The following ZNF718 variants were observed in gnomAD, a reference collection of about 807,000 sequenced individuals.
ZNF718 encodes zinc finger protein 718.
Under a neutral mutation model 2.6 loss-of-function variants are expected in ZNF718, and 3 were observed. The ratio of observed to expected loss-of-function variants is 1.16; its 90% CI spans 0.53 to 3.01. The LOEUF (loss-of-function observed/expected upper bound fraction) is 3.01, where lower values mean the gene tolerates loss of function less well. Ranked by LOEUF, ZNF718 falls within the 30% of genes most tolerant of loss-of-function variation. ZNF718 has a pLI of 0.03. For synonymous variants in ZNF718, 135 were observed against 77.9 expected, an observed-to-expected ratio of 1.73 and a Z score of -3.86; for missense variants, 468 against 230.0, an observed-to-expected ratio of 2.03 and a Z score of -6.69.
At chr4:153,325 A>G (rs1421218943) in intron 3 of ZNF718, among the ~76,000 whole-genome samples, 1 of 151,898 alleles carries the variant, frequency 6.6e-6, no homozygotes, top group Admixed American at 6.6e-5. Context: ...GCTTTATATT[A>G]TATTATGGAG....
chr4:125,797 A>G (rs782809517), intron 1 of ZNF718, among the ~76,000 whole-genome samples: 1 of 152,168 alleles, frequency 6.6e-6, no homozygotes, highest in Non-Finnish European at 1.5e-5. Context: ...GCACGGCCAC[A>G]CCTGGCCTAA....
At chr4:134,355 C>T (rs1183498041) in intron 3 of ZNF718, among the ~76,000 whole-genome samples, 1 of 152,140 alleles carries the variant, frequency 6.6e-6, no homozygotes, top group African/African-American at 2.4e-5. Flanking sequence ...ACCATGTTAG[C>T]CAGGATGGTC....
chr4:183,934 T>C (rs782371546), intron 3 of ZNF718, among the ~76,000 whole-genome samples: 1 of 152,172 alleles, frequency 6.6e-6, no homozygotes, highest in Admixed American at 6.5e-5. Flanking sequence ...TTTCTAGATA[T>C]AGGATCATGT....
At chr4:153,445 G>T in intron 3 of ZNF718, among the ~76,000 whole-genome samples, 1 of 151,960 alleles carries the variant, frequency 6.6e-6, no homozygotes, top group East Asian at 1.9e-4. Flanking sequence ...TTCCATTTCT[G>T]TGAAAAAAGT....
downstream of ZNF718, among the ~76,000 whole-genome samples, chr4:168,103 A>G (rs1171613810): frequency 6.6e-6 from 1 of 152,176 alleles, no homozygotes; most frequent in African/African-American, 2.4e-5. Flanking sequence ...ATCTATTGAG[A>G]TAATCATATG....
At chr4:147,855 G>A (rs549197032) in intron 3 of ZNF718, among the ~76,000 whole-genome samples, 201 of 152,222 alleles carry the variant, frequency 1.3e-3, no homozygotes, top group Middle Eastern at 3.4e-3. Flanking sequence ...GCGACAGAGC[G>A]AGATTCCATC....
Position 163,388 on chromosome 4 carries a change from C to G in ZNF718, c.*1266C>G, listed in dbSNP as rs1454382980. ...TATTTTTAGTAGAGACGGGGTTTCA[C>G]CGTTTTAGCCGGGATGGTCTCGATC... On this transcript the variant is annotated 3_prime_UTR_variant, in exon 4 of 4. Coordinates refer to ENST00000510175, the MANE Select transcript of ZNF718 (RefSeq NM_001039127.6). The G allele has an allele frequency of 2.0e-5, 3 of 152,234 alleles. No individual in the cohort carries two copies. The East Asian group carries it at 5.8e-4, about 29-fold the overall frequency. 9.4% of individuals were successfully genotyped at this position (152,234 alleles called of 1,614,324 possible). A position where few individuals can be genotyped will look rare whatever the true frequency, so the allele number is the denominator to read the frequency against.
In ZNF718 at chr4:135,732, T is replaced by TTATATATATATATATA. The variant is rs1303050207; in HGVS notation, c.226+4236_226+4237insATATATATATATATAT. Reference sequence around the variant, plus strand: ...GAGTTTTTGTTCATTTACTCTAGAGTTATATATATGTGCATGATTATATAA... The same window carrying TTATATATATATATATA: ...GAGTTTTTGTTCATTTACTCTAGAGTTATATATATATATATATATATATATGTGCATGATTATATAA... On this transcript the variant is annotated intron_variant, in intron 3 of 3. Coordinates refer to ENST00000510175, the MANE Select transcript of ZNF718 (RefSeq NM_001039127.6). 7.8e-3 allele frequency among the ~76,000 whole-genome samples: 602 copies of TTATATATATATATATA among 77,604 alleles called. 50 individuals are homozygous for TTATATATATATATATA. Among genetic ancestry groups the TTATATATATATATATA allele is most frequent in the East Asian group, 0.026 (45 of 1,720 alleles). 50.9% of individuals were successfully genotyped at this position (77,604 alleles called of 152,430 possible).
chr4:157,103 CTTTTTTT>C (rs199814257), intron 3 of ZNF718, among the ~76,000 whole-genome samples: 10 of 103,148 alleles, frequency 9.7e-5, no homozygotes, highest in African/African-American at 2.4e-4. Flanking sequence ...TTCTTTCTTT[CTTTTTTT>C]TTTTTTTTTT....
intron 3 of ZNF718, among the ~76,000 whole-genome samples, chr4:154,808 A>ATAAG (rs1716489363): frequency 6.6e-6 from 1 of 152,224 alleles, no homozygotes; most frequent in Admixed American, 6.5e-5. Flanking sequence ...AGAAATTCGC[A>ATAAG]TAAGTAATGA....
At chr4:154,153 CT>C in intron 3 of ZNF718, among the ~76,000 whole-genome samples, 1 of 152,300 alleles carries the variant, frequency 6.6e-6, no homozygotes, top group South Asian at 2.1e-4. Context: ...TATGACATGA[CT>C]TTTGGCTTCT....
intron 3 of ZNF718, among the ~76,000 whole-genome samples, chr4:170,267 G>C (rs180993736): frequency 0.042 from 6,450 of 152,178 alleles, 349 homozygotes; most frequent in African/African-American, 0.13. Flanking sequence ...CTTTCTCTCT[G>C]GCTGCCCTTA....
At chr4:148,670 G>A (rs1716181393) in intron 3 of ZNF718, among the ~76,000 whole-genome samples, 1 of 151,420 alleles carries the variant, frequency 6.6e-6, no homozygotes, top group African/African-American at 2.4e-5. Flanking sequence ...CCTACATCCA[G>A]GGGCACAGAT....
At position 189,818 on chromosome 4, in the gene ZNF718, T is replaced by A. The variant is rs374372767; in HGVS notation, c.227-11263T>A. On this transcript the variant is annotated intron_variant and NMD_transcript_variant, in intron 3 of 4. Transcript: ENST00000642529. ...CCATTCTAGTAGTTTTCTGAGTGTT[T>A]TATCATAAATAGGTGCTGGATTTGT... Among the ~76,000 whole-genome samples the A allele has an allele frequency of 3.9e-5, 6 of 152,326 alleles. 1 individual carries two copies. The highest frequency in any genetic ancestry group is 6.5e-5 in the Admixed American group (1 of 15,296).
chr4:162,297 G>A lies in ZNF718; in HGVS notation c.*175G>A. The A allele has an allele frequency of 1.4e-5, 7 of 483,740 alleles. No homozygotes were observed. The highest frequency in any genetic ancestry group is 2.6e-5 in the Non-Finnish European group (7 of 272,472). The allele number at this position is 483,740 out of a possible 1,614,324, so 30.0% of individuals were successfully genotyped here. A position where few individuals can be genotyped will look rare whatever the true frequency, so the allele number is the denominator to read the frequency against. On this transcript the variant is annotated 3_prime_UTR_variant, in exon 4 of 4. Transcript: ENST00000510175. ...GAAGCCATAAAAATATGAAAAATGT[G>A]GAAAAGCCTTCAAATGCTTGTCACA...
intron 3 of ZNF718, among the ~76,000 whole-genome samples, chr4:143,029 A>G (rs1003571264): frequency 1.4e-4 from 21 of 152,216 alleles, no homozygotes; most frequent in African/African-American, 4.8e-4. Context: ...TCTCTCTTCA[A>G]CTAGAATAAC....
intron 3 of ZNF718, among the ~76,000 whole-genome samples, chr4:186,067 T>C (rs901165988): frequency 6.6e-6 from 1 of 152,014 alleles, no homozygotes; most frequent in African/African-American, 2.4e-5. Context: ...TATAGACTTG[T>C]TTATGTGGTT....
In ZNF718 at chr4:124,800, T is replaced by C. The variant is rs1715119987; in HGVS notation, c.3+127T>C. On this transcript the variant is annotated intron_variant, in intron 1 of 3. Coordinates refer to ENST00000510175, the MANE Select transcript of ZNF718 (RefSeq NM_001039127.6). ...GCCCTCTGTCCTCAGTCCCCTCCGG[T>C]GAGGGACCCGCGCTCTTGTCAGTCC... The C allele has an allele frequency of 2.3e-6, 3 of 1,306,004 alleles. No homozygotes were observed. In the African/African-American group the frequency reaches 4.4e-5, roughly 19 times the overall value. The allele number at this position is 1,306,004 out of a possible 1,614,324, so 80.9% of individuals were successfully genotyped here. A position where few individuals can be genotyped will look rare whatever the true frequency, so the allele number is the denominator to read the frequency against.
chr4:135,839 A>G (rs782682750), intron 3 of ZNF718, among the ~76,000 whole-genome samples: 12 of 145,332 alleles, frequency 8.3e-5, no homozygotes, highest in Non-Finnish European at 1.4e-4. Context: ...GTTCTCATAC[A>G]AATTTTTAGT....
Sources: allele counts gnomAD v4.1 joint callset (sites outside exome capture counted in the v4.1 genomes callset), GRCh38; gene constraint gnomAD v4.1.1; transcripts MANE v1.5; gene names NCBI Gene and HGNC (gene_info 2026-07-23, HGNC 2026-07-21).